Variants in IL10RB observed in about 807,000 individuals in gnomAD.
IL10RB encodes interleukin-10 receptor subunit beta.
In IL10RB, 30 loss-of-function variants were observed where a neutral mutation model predicts 38.7. The observed-to-expected ratio is 0.78, with a 90% CI of 0.58 to 1.05. The LOEUF is 1.05. Among genes scored for constraint, IL10RB ranks in the 50% least tolerant of loss-of-function variants. The pLI, the probability that IL10RB is intolerant of heterozygous loss-of-function variation, is 0.00. For synonymous variants in IL10RB, 142 were observed against 145.9 expected, an observed-to-expected ratio of 0.97 and a Z score of 0.19; for missense variants, 328 against 397.1, an observed-to-expected ratio of 0.83 and a Z score of 1.48.
At chr21:33,292,502 G>A (rs1357660615) in intron 6 of IL10RB, among the ~76,000 whole-genome samples, 2 of 152,162 alleles carry the variant, frequency 1.3e-5, no homozygotes, top group Non-Finnish European at 2.9e-5. Flanking sequence ...CCACCTGCAT[G>A]TGGCCAACAT....
chr21:33,284,048 C>A (rs946090035), intron 5 of IL10RB, among the ~76,000 whole-genome samples: 4 of 152,114 alleles, frequency 2.6e-5, no homozygotes, highest in Non-Finnish European at 5.9e-5. Context: ...GTAATCCTAA[C>A]ACTTTGAGAG....
In IL10RB at chr21:33,278,114, G is replaced by T. The variant is rs145863736; in HGVS notation, c.331+1361G>T. Among the ~76,000 whole-genome samples the T allele has an allele frequency of 4.2e-4, 64 of 151,946 alleles. 1 individual carries two copies. Among genetic ancestry groups the T allele is most frequent in the African/African-American group, 1.4e-3 (59 of 41,410 alleles). On this transcript the variant is annotated intron_variant, in intron 3 of 6. Transcript: ENST00000290200. ...TGCTTGTAGTCCCAGCTACTTGGGAGGCTGAGGTGGGAGAGTCATCTGAGC... is the reference window on the plus strand; with the variant it reads ...TGCTTGTAGTCCCAGCTACTTGGGATGCTGAGGTGGGAGAGTCATCTGAGC...
chr21:33,303,047 G>A (rs1289916871), intron 1 of IL10RB, among the ~76,000 whole-genome samples: 1 of 152,176 alleles, frequency 6.6e-6, no homozygotes, highest in Non-Finnish European at 1.5e-5. Context: ...CCTTGCACGT[G>A]TGCCCAAGGC....
intron 5 of IL10RB, 46 bp from the exon 6 acceptor site, chr21:33,288,058 G>A (rs1989407554): frequency 6.3e-7 from 1 of 1,591,082 alleles, no homozygotes; most frequent in Admixed American, 1.7e-5. Context: ...GGATCACTGT[G>A]ACCCGACCTG....
intron 1 of IL10RB, among the ~76,000 whole-genome samples, chr21:33,306,200 G>A (rs2082998575): frequency 6.6e-6 from 1 of 152,168 alleles, no homozygotes; most frequent in Admixed American, 6.5e-5. Context: ...AATGGATCTG[G>A]AGAGGCAGAT....
intron 6 of IL10RB, among the ~76,000 whole-genome samples, chr21:33,292,420 T>C (rs575968222): frequency 4.9e-4 from 75 of 152,016 alleles, no homozygotes; most frequent in African/African-American, 1.7e-3. Context: ...TAATTACCCA[T>C]CCCCCTTTAT....
chr21:33,268,240 T>G (rs1989009397), intron 1 of IL10RB, 154 bp from the exon 2 acceptor site: 1 of 1,538,764 alleles, frequency 6.5e-7, no homozygotes, highest in Non-Finnish European at 8.8e-7. Context: ...AAATCTAGAC[T>G]CCTCAGCACA....
At chr21:33,287,174 T>A (rs1417401940) in intron 5 of IL10RB, among the ~76,000 whole-genome samples, 1 of 152,198 alleles carries the variant, frequency 6.6e-6, no homozygotes, top group African/African-American at 2.4e-5. Flanking sequence ...TAAGCCCTTT[T>A]TAATAAATGC....
downstream of IL10RB, among the ~76,000 whole-genome samples, chr21:33,298,268 G>T (rs7277902): frequency 0.16 from 24,190 of 152,156 alleles, 2,573 homozygotes; most frequent in African/African-American, 0.28. Flanking sequence ...AGGGAGGGTA[G>T]ATCTGTGATT....
intron 6 of IL10RB, among the ~76,000 whole-genome samples, chr21:33,290,336 T>A (rs1284921571): frequency 6.6e-6 from 1 of 152,066 alleles, no homozygotes; most frequent in Non-Finnish European, 1.5e-5. Context: ...GAGGTTCTGT[T>A]GGCAAGAAAT....
intron 2 of IL10RB, among the ~76,000 whole-genome samples, chr21:33,272,327 C>A (rs1989096793): frequency 6.6e-6 from 1 of 152,186 alleles, no homozygotes; most frequent in Non-Finnish European, 1.5e-5. Flanking sequence ...TTATTTTTAT[C>A]ACCATCACTT....
chr21:33,297,406 G>T (rs145318508), downstream of IL10RB, among the ~76,000 whole-genome samples: 109 of 150,940 alleles, frequency 7.2e-4, no homozygotes, highest in African/African-American at 2.5e-3. Context: ...AACTAGAATT[G>T]CAGTCAAGGG....
At chr21:33,299,730 A>G (rs895318798), downstream of IL10RB, among the ~76,000 whole-genome samples, 1 of 152,222 alleles carries the variant, frequency 6.6e-6, no homozygotes, top group African/African-American at 2.4e-5. Context: ...CTCTCTGCAG[A>G]GGGATTTTTG....
chr21:33,306,797 A>G (rs768379186), intron 1 of IL10RB, among the ~76,000 whole-genome samples: 10 of 152,124 alleles, frequency 6.6e-5, no homozygotes, highest in Admixed American at 1.3e-4. Flanking sequence ...TTGACTTTCC[A>G]AAATGCTGGG....
chr21:33,283,982 G>A (rs1363149631), intron 5 of IL10RB, among the ~76,000 whole-genome samples: 6 of 152,184 alleles, frequency 3.9e-5, no homozygotes, highest in Non-Finnish European at 8.8e-5. Flanking sequence ...ATGGCATGCG[G>A]CATGCAGTTT....
intron 4 of IL10RB, among the ~76,000 whole-genome samples, chr21:33,282,793 C>T (rs1198646262): frequency 6.6e-6 from 1 of 152,054 alleles, no homozygotes; most frequent in African/African-American, 2.4e-5. Flanking sequence ...CCCCAAAGTG[C>T]TGTGATTACA....
chr21:33,292,495 C>T (rs974292355), intron 6 of IL10RB, among the ~76,000 whole-genome samples: 4 of 152,130 alleles, frequency 2.6e-5, no homozygotes, highest in African/African-American at 9.7e-5. Flanking sequence ...GTCCGAGCCA[C>T]CTGCATGTGG....
intron 1 of IL10RB, among the ~76,000 whole-genome samples, chr21:33,267,523 T>G (rs1445539563): frequency 1.3e-5 from 2 of 149,832 alleles, no homozygotes; most frequent in African/African-American, 2.5e-5. Context: ...TTTTTGTTTT[T>G]TTTTGAGACA....
chr21:33,266,702 G>A (rs1446477247), intron 1 of IL10RB, among the ~76,000 whole-genome samples, 188 bp downstream of exon 1: 2 of 152,220 alleles, frequency 1.3e-5, no homozygotes, highest in Non-Finnish European at 2.9e-5. Context: ...TTCTGTAACA[G>A]GAGAAAGCCC....
Sources: gnomAD v4.1 joint callset for allele counts (sites outside exome capture counted in the v4.1 genomes callset) on GRCh38, gnomAD v4.1.1 for gene constraint, MANE v1.5 for transcripts, NCBI Gene and HGNC (gene_info 2026-07-23, HGNC 2026-07-21) for gene names.